The following ASTN2 variants were observed in gnomAD, a reference collection of about 807,000 sequenced individuals.
The protein encoded by ASTN2 is astrotactin-2.
A neutral mutation model predicts 139.8 loss-of-function variants in ASTN2; 54 were observed. The observed-to-expected ratio is 0.39, with a 90% CI of 0.31 to 0.48. The LOEUF (loss-of-function observed/expected upper bound fraction) is 0.48, where lower values mean the gene tolerates loss of function less well. Ranked by LOEUF, ASTN2 falls within the 20% of genes least tolerant of loss-of-function variation. The pLI is 0.95. For synonymous variants in ASTN2, 756 were observed against 719.5 expected (o/e 1.05, Z -0.81); for missense variants, 1,565 against 1,725.1 (o/e 0.91, Z 1.64).
chr9:116,539,694 T>A (rs982201445), intron 19 of ASTN2, among the ~76,000 whole-genome samples: 3 of 152,190 alleles, frequency 2.0e-5, no homozygotes, highest in South Asian at 2.1e-4. Flanking sequence ...CTAACGGGTG[T>A]ATACGCTGGA....
chr9:116,567,498 AGG>A (rs1045148968), intron 19 of ASTN2, among the ~76,000 whole-genome samples: 1 of 152,150 alleles, frequency 6.6e-6, no homozygotes, highest in Non-Finnish European at 1.5e-5. Flanking sequence ...CCCTGGGTTC[AGG>A]GGGTGGATAG....
intron 4 of ASTN2, among the ~76,000 whole-genome samples, chr9:117,097,972 G>A (rs961656128): frequency 1.3e-5 from 2 of 152,146 alleles, no homozygotes; most frequent in Non-Finnish European, 2.9e-5. Context: ...TAAGAGTGGT[G>A]TAATTAACAA....
intron 1 of ASTN2, among the ~76,000 whole-genome samples, chr9:117,321,036 A>G (rs1564145013): frequency 6.6e-6 from 1 of 152,234 alleles, no homozygotes; most frequent in African/African-American, 2.4e-5. Context: ...TCAAGCAAGG[A>G]CACACAATGT....
At chr9:116,764,667 A>G (rs1829759692) in intron 13 of ASTN2, among the ~76,000 whole-genome samples, 1 of 152,142 alleles carries the variant, frequency 6.6e-6, no homozygotes, top group Non-Finnish European at 1.5e-5. Flanking sequence ...TCATTCATTT[A>G]CTTATTCAAA....
chr9:117,296,298 A>G (rs945184010), intron 1 of ASTN2, among the ~76,000 whole-genome samples: 16 of 149,896 alleles, frequency 1.1e-4, no homozygotes, highest in Non-Finnish European at 2.1e-4. Context: ...AAAAAAAAAA[A>G]AAAAAGAAAG....
chr9:116,791,886 G>A (rs34337857), intron 13 of ASTN2, among the ~76,000 whole-genome samples: 34,062 of 152,148 alleles, frequency 0.22, 4,554 homozygotes, highest in Middle Eastern at 0.37. Flanking sequence ...AGGGGGGAAA[G>A]CGAGCTGTGA....
intron 6 of ASTN2, among the ~76,000 whole-genome samples, chr9:117,024,871 A>G (rs1838010881): frequency 6.7e-6 from 1 of 148,454 alleles, no homozygotes; most frequent in Non-Finnish European, 1.5e-5. Context: ...AATTATGGGC[A>G]GTTTCCCCCA....
At chr9:117,238,289 C>T (rs928594372) in intron 2 of ASTN2, among the ~76,000 whole-genome samples, 1 of 152,094 alleles carries the variant, frequency 6.6e-6, no homozygotes, top group East Asian at 1.9e-4. Flanking sequence ...GAGTGGGTCC[C>T]CTCTGCACTC....
chr9:117,136,141 C>A (rs1382466715), intron 4 of ASTN2, among the ~76,000 whole-genome samples: 1 of 152,008 alleles, frequency 6.6e-6, no homozygotes, highest in Non-Finnish European at 1.5e-5. Context: ...ATAAATAACA[C>A]AATAAAAGAG....
chr9:116,727,082 T>G (rs1317184515), intron 15 of ASTN2, among the ~76,000 whole-genome samples: 1 of 150,840 alleles, frequency 6.6e-6, no homozygotes, highest in Non-Finnish European at 1.5e-5. Context: ...ATGTCCTCCC[T>G]AAGTCACACC....
intron 2 of ASTN2, among the ~76,000 whole-genome samples, chr9:117,238,066 A>C (rs981518046): frequency 7.9e-5 from 12 of 152,132 alleles, no homozygotes; most frequent in African/African-American, 2.9e-4. Flanking sequence ...CCACCATCTC[A>C]TGTAGCTCCA....
chr9:117,227,655 C>T (rs1329234892), intron 2 of ASTN2, among the ~76,000 whole-genome samples: 1 of 152,208 alleles, frequency 6.6e-6, no homozygotes, highest in Non-Finnish European at 1.5e-5. Flanking sequence ...GAAAACATTG[C>T]TGTTAGTTCC....
intron 2 of ASTN2, among the ~76,000 whole-genome samples, chr9:117,269,194 T>C (rs1245727735): frequency 6.6e-6 from 1 of 152,162 alleles, no homozygotes; most frequent in East Asian, 1.9e-4. Flanking sequence ...TGCTTACATT[T>C]CAGCAAAAGA....
intron 10 of ASTN2, among the ~76,000 whole-genome samples, chr9:116,930,878 G>T (rs1834877286): frequency 6.6e-6 from 1 of 151,728 alleles, no homozygotes; most frequent in African/African-American, 2.4e-5. Context: ...TGAGGCTCAT[G>T]GATTCTCCTT....
At chr9:116,744,305 T>C (rs1384962266) in intron 13 of ASTN2, among the ~76,000 whole-genome samples, 1 of 152,114 alleles carries the variant, frequency 6.6e-6, no homozygotes, top group African/African-American at 2.4e-5. Flanking sequence ...GGAGGCCACA[T>C]AGGGATCAGA....
At chr9:117,071,027 A>G (rs1409070297) in intron 5 of ASTN2, among the ~76,000 whole-genome samples, 5 of 149,076 alleles carry the variant, frequency 3.4e-5, no homozygotes, top group African/African-American at 4.9e-5. Flanking sequence ...GTCATTCTCC[A>G]TCCAGCTTTG....
At chr9:116,884,148 C>A (rs1308454656) in intron 10 of ASTN2, among the ~76,000 whole-genome samples, 1 of 152,100 alleles carries the variant, frequency 6.6e-6, no homozygotes, top group Non-Finnish European at 1.5e-5. Context: ...TGAATTCCAT[C>A]CCACAGCCAG....
chr9:116,997,118 G>T (rs192829487), intron 7 of ASTN2, among the ~76,000 whole-genome samples: 38 of 152,142 alleles, frequency 2.5e-4, no homozygotes, highest in African/African-American at 8.2e-4. Context: ...AGAAGCAAAG[G>T]TTGCCTTGGA....
chr9:116,923,518 T>A (rs1834670895), intron 10 of ASTN2, among the ~76,000 whole-genome samples: 1 of 152,116 alleles, frequency 6.6e-6, no homozygotes, highest in Non-Finnish European at 1.5e-5. Flanking sequence ...TGAGAAAAGG[T>A]GAGTGAGGAG....
Sources: gnomAD v4.1 joint callset for allele counts (sites outside exome capture counted in the v4.1 genomes callset) on GRCh38, gnomAD v4.1.1 for gene constraint, MANE v1.5 for transcripts, NCBI Gene and HGNC (gene_info 2026-07-23, HGNC 2026-07-21) for gene names.